The following LINGO2 variants were observed in gnomAD, a reference collection of about 807,000 sequenced individuals.
LINGO2 encodes leucine-rich repeat and immunoglobulin-like domain-containing nogo receptor-interacting protein 2.
Under a neutral mutation model 30.6 loss-of-function variants are expected in LINGO2, and 14 were observed. The observed-to-expected ratio is 0.46, with a 90% CI of 0.30 to 0.72. The LOEUF is 0.72. Ranked by LOEUF, LINGO2 falls within the 30% of genes least tolerant of loss-of-function variation. LINGO2 has a pLI of 0.07. For synonymous variants in LINGO2, 317 were observed against 288.5 expected, an observed-to-expected ratio of 1.10 and a Z score of -1.00; for missense variants, 729 against 751.7, an observed-to-expected ratio of 0.97 and a Z score of 0.35.
the LINGO2 span, among the ~76,000 whole-genome samples, chr9:29,136,764 C>T: frequency 5.3e-5 from 8 of 152,112 alleles, no homozygotes; most frequent in African/African-American, 1.9e-4. Context: ...ATAACCACGG[C>T]TTCAAATGTT....
the LINGO2 span, among the ~76,000 whole-genome samples, chr9:29,141,796 C>T: frequency 4.0e-5 from 6 of 151,606 alleles, no homozygotes; most frequent in South Asian, 2.1e-4. Flanking sequence ...AAAACTGTCA[C>T]GGGAAACAAA....
At chr9:28,716,004 G>A in the LINGO2 span, among the ~76,000 whole-genome samples, 1 of 151,790 alleles carries the variant, frequency 6.6e-6, no homozygotes, top group Non-Finnish European at 1.5e-5. Context: ...AAAATGTGTT[G>A]TGATACCTTT....
At chr9:28,838,766 G>A in the LINGO2 span, among the ~76,000 whole-genome samples, 3 of 152,208 alleles carry the variant, frequency 2.0e-5, no homozygotes, top group South Asian at 4.1e-4. Flanking sequence ...CACTGGCTGG[G>A]CTCATTCTGC....
the LINGO2 span, among the ~76,000 whole-genome samples, chr9:28,886,626 A>G: frequency 5.9e-5 from 9 of 152,116 alleles, no homozygotes; most frequent in Non-Finnish European, 1.0e-4. Flanking sequence ...TTTAAGTAAT[A>G]TATGTACTGC....
At chr9:29,151,878 T>A in the LINGO2 span, among the ~76,000 whole-genome samples, 5 of 152,064 alleles carry the variant, frequency 3.3e-5, no homozygotes, top group Admixed American at 1.3e-4. Context: ...GAAATTAAAC[T>A]CAACACTCAA....
intron 1 of LINGO2, among the ~76,000 whole-genome samples, chr9:28,652,198 G>A (rs541157891): frequency 6.6e-5 from 10 of 151,978 alleles, no homozygotes; most frequent in Admixed American, 3.3e-4. Context: ...TTAAGACATC[G>A]TGTTTAACAA....
At chr9:28,282,014 G>A (rs542633882) in intron 4 of LINGO2, among the ~76,000 whole-genome samples, 6 of 152,118 alleles carry the variant, frequency 3.9e-5, no homozygotes, top group South Asian at 2.1e-4. Context: ...GTCCAGTCAC[G>A]GAGTTCCTTA....
chr9:28,587,567 C>A (rs1243261277), intron 1 of LINGO2, among the ~76,000 whole-genome samples: 2 of 151,818 alleles, frequency 1.3e-5, no homozygotes, highest in Non-Finnish European at 2.9e-5. Flanking sequence ...ACACCCAGGG[C>A]TTAGTATGCG....
At chr9:28,641,004 G>T (rs1827548727) in intron 1 of LINGO2, among the ~76,000 whole-genome samples, 1 of 151,996 alleles carries the variant, frequency 6.6e-6, no homozygotes, top group South Asian at 2.1e-4. Context: ...ATGGGGTTTT[G>T]GTGTGGATGT....
intron 1 of LINGO2, among the ~76,000 whole-genome samples, chr9:28,547,187 T>C (rs558052195): frequency 3.9e-5 from 6 of 152,234 alleles, no homozygotes; most frequent in Middle Eastern, 6.8e-3. Context: ...ATTTGTGAAA[T>C]CGAGTATTCT....
intron 4 of LINGO2, among the ~76,000 whole-genome samples, chr9:28,047,093 T>C (rs751786831): frequency 2.6e-5 from 4 of 152,052 alleles, no homozygotes; most frequent in Non-Finnish European, 4.4e-5. Context: ...AGTAAATAGA[T>C]TAAGAGAGCA....
the LINGO2 span, among the ~76,000 whole-genome samples, chr9:28,728,939 C>G: frequency 1.3e-5 from 2 of 152,106 alleles, no homozygotes; most frequent in East Asian, 3.9e-4. Flanking sequence ...AGGCAGATCT[C>G]TCAACATCTT....
chr9:29,029,549 C>T, the LINGO2 span, among the ~76,000 whole-genome samples: 2 of 152,054 alleles, frequency 1.3e-5, no homozygotes, highest in East Asian at 1.9e-4. Flanking sequence ...ATTAGTCATA[C>T]TTAGAATGAA....
chr9:28,811,386 A>G, the LINGO2 span, among the ~76,000 whole-genome samples: 1 of 152,056 alleles, frequency 6.6e-6, no homozygotes, highest in Non-Finnish European at 1.5e-5. Flanking sequence ...ATCCATCTCT[A>G]TGTGGTAATT....
chr9:28,270,915 C>T (rs10117512), intron 4 of LINGO2, among the ~76,000 whole-genome samples: 6,047 of 152,114 alleles, frequency 0.04, 370 homozygotes, highest in African/African-American at 0.14. Context: ...CCAAAGTTTA[C>T]TCAAACAGTG....
exon 6 of LINGO2, chr9:27,950,045 C>T: frequency 6.2e-7 from 1 of 1,614,062 alleles, no homozygotes; most frequent in African/African-American, 1.3e-5. Context: ...TATTGAGATG[C>T]TTCAGATGCA....
At chr9:28,547,664 C>T (rs1822021522) in intron 1 of LINGO2, among the ~76,000 whole-genome samples, 1 of 152,018 alleles carries the variant, frequency 6.6e-6, no homozygotes, top group Admixed American at 6.6e-5. Flanking sequence ...AAATACAGTG[C>T]TAACAAAAGT....
At chr9:28,682,949 G>C in the LINGO2 span, among the ~76,000 whole-genome samples, 2 of 151,996 alleles carry the variant, frequency 1.3e-5, no homozygotes, top group Non-Finnish European at 2.9e-5. Context: ...AGATGTCTTT[G>C]AATGAAGGAT....
chr9:29,126,595 G>C, the LINGO2 span, among the ~76,000 whole-genome samples: 1 of 151,916 alleles, frequency 6.6e-6, no homozygotes, highest in Non-Finnish European at 1.5e-5. Flanking sequence ...TCTGTTGCAG[G>C]TATTTCTATA....
Sources: gnomAD v4.1 joint callset for allele counts (sites outside exome capture counted in the v4.1 genomes callset) on GRCh38, gnomAD v4.1.1 for gene constraint, MANE v1.5 for transcripts, NCBI Gene and HGNC (gene_info 2026-07-23, HGNC 2026-07-21) for gene names.